ANO5: variants seen among roughly 807,000 people sequenced by gnomAD.
ANO5 encodes anoctamin 5.
In ANO5, 109 loss-of-function variants were observed where a neutral mutation model predicts 121.0. The observed-to-expected ratio is 0.90, with a 90% CI of 0.77 to 1.06. The LOEUF (loss-of-function observed/expected upper bound fraction) is 1.06, where lower values mean the gene tolerates loss of function less well. ANO5 is among the 50% of genes least tolerant of loss of function. The probability of loss-of-function intolerance (pLI) is 0.00; values close to 1 mark genes in which losing one functional copy is unlikely to be tolerated. For missense variants in ANO5, 1,064 were observed against 1,078.5 expected, an observed-to-expected ratio of 0.99 and a Z score of 0.19; for synonymous variants, 406 against 359.9, an observed-to-expected ratio of 1.13 and a Z score of -1.45.
intron 3 of ANO5, among the ~76,000 whole-genome samples, chr11:22,216,831 G>A (rs141998593): frequency 5.5e-4 from 83 of 151,882 alleles, no homozygotes; most frequent in African/African-American, 2.0e-3. Context: ...GTTTAGGTCT[G>A]TGATCCATGG....
At chr11:22,199,789 T>G (rs1851911873) in intron 1 of ANO5, among the ~76,000 whole-genome samples, 1 of 152,098 alleles carries the variant, frequency 6.6e-6, no homozygotes, top group Admixed American at 6.5e-5. Flanking sequence ...ATCTGGCCTC[T>G]TAGAGATCTA....
chr11:22,275,343 C>T (rs1854800433), intron 20 of ANO5, among the ~76,000 whole-genome samples: 1 of 150,664 alleles, frequency 6.6e-6, no homozygotes, highest in Non-Finnish European at 1.5e-5. Flanking sequence ...CTTATCAAGG[C>T]CACTTAATTT....
At chr11:22,271,084 G>C (rs1431530391) in intron 18 of ANO5, among the ~76,000 whole-genome samples, 1 of 152,056 alleles carries the variant, frequency 6.6e-6, no homozygotes, top group Non-Finnish European at 1.5e-5. Flanking sequence ...ACAGAGTCTC[G>C]CTCTGTCGCT....
intron 7 of ANO5, among the ~76,000 whole-genome samples, chr11:22,234,101 C>A (rs1853137230): frequency 6.6e-6 from 1 of 152,058 alleles, no homozygotes; most frequent in African/African-American, 2.4e-5. Context: ...CTGAGTACAA[C>A]AATTTTCACA....
At chr11:22,207,973 G>C (rs1852169418) in intron 2 of ANO5, among the ~76,000 whole-genome samples, 1 of 151,938 alleles carries the variant, frequency 6.6e-6, no homozygotes, top group African/African-American at 2.4e-5. Context: ...TAAGATCAAA[G>C]TGAGATGTCA....
chr11:22,232,227 T>C (rs1853066151), intron 7 of ANO5, among the ~76,000 whole-genome samples: 1 of 152,020 alleles, frequency 6.6e-6, no homozygotes, highest in African/African-American at 2.4e-5. Flanking sequence ...GGCATAGAAA[T>C]TTATTTGTGT....
rs1477215121 is a variant in ANO5, at chr11:22,257,766, T to C, written c.1407+12T>C. 2.5e-6 allele frequency: 4 copies of C among 1,599,930 alleles called. No homozygotes were observed. The highest frequency in any genetic ancestry group is 3.4e-6 in the Non-Finnish European group (4 of 1,167,672). On this transcript the variant is annotated intron_variant, in intron 14 of 21. Transcript: ENST00000324559. The stretch of plus-strand genomic sequence containing the variant: ...CAGTGACATTATGGGTGAGCATTTC[T>C]TTAAAAATTGCTATAATTTCTTCAA...
Position 22,279,879 on chromosome 11 carries a change from CTTTTT to C in ANO5, c.*121_*125del. On this transcript the variant is annotated 3_prime_UTR_variant, in exon 22 of 22. Coordinates refer to ENST00000324559, the MANE Select transcript of ANO5 (RefSeq NM_213599.3). ...TTTACCCTTTCTTTTTTTTTTTTTT[CTTTTT>C]TTTTTTAAACTCAAAGTTTTTATAC... 1 of 387,208 alleles carries C rather than the reference CTTTTT, an allele frequency of 2.6e-6. No homozygotes were observed. Among genetic ancestry groups the C allele is most frequent in the Non-Finnish European group, 4.2e-6 (1 of 239,132 alleles). 24.0% of individuals were successfully genotyped at this position (387,208 alleles called of 1,614,324 possible). A position where few individuals can be genotyped will look rare whatever the true frequency, so the allele number is the denominator to read the frequency against.
At position 22,255,446 on chromosome 11, in the gene ANO5, A is replaced by G. The variant is rs1853970837; in HGVS notation, c.1256A>G (p.Glu419Gly). 6.2e-7 allele frequency: 1 copy of G among 1,613,504 alleles called. No individual in the cohort carries two copies. Residue 419 changes from glutamate to glycine, a missense_variant, in exon 13 of 22, where the codon GAG becomes GGG. By Grantham distance (98) the Glu-to-Gly change is moderately conservative. Coordinates refer to ENST00000324559, the MANE Select transcript of ANO5 (RefSeq NM_213599.3). ...EYEWDLVDFEEEQQQLQLRPE... is the reference protein window; with the variant it reads ...EYEWDLVDFEGEQQQLQLRPE... ...GAATGGGACCTGGTGGACTTTGAAG[A>G]GGAACAGCAGCAGCTTCAGCTGAGA...
chr11:22,204,001 G>A (rs1564910101), intron 2 of ANO5, 151 bp downstream of exon 2: 1 of 515,280 alleles, frequency 1.9e-6, no homozygotes, highest in Non-Finnish European at 3.5e-6. Context: ...CAAGTTCCAT[G>A]TTCCATGCAG....
chr11:22,239,544 G>A (rs373194134), intron 8 of ANO5, 25 bp from the exon 9 acceptor site: 29 of 1,529,846 alleles, frequency 1.9e-5, no homozygotes, highest in Non-Finnish European at 2.5e-5. Context: ...CGTCTTTTAT[G>A]TACCCTCCTC....
rs779096931 is a variant in ANO5 at position 22,262,254 on chromosome 11, C to A, written c.1756C>A (p.Pro586Thr). 1.2e-6 allele frequency: 2 copies of A among 1,613,618 alleles called. No homozygotes were observed. The change falls in exon 16 of 22, where the codon CCT (proline) becomes ACT (threonine). Residue 586 changes from proline to threonine, a missense_variant. Coordinates refer to ENST00000324559, the MANE Select transcript of ANO5 (RefSeq NM_213599.3). ...CTTTAAAGGGAAGTTCGTAGGCTAT[C>A]CTGGAAAATACACATATTTATTTAA... Reference protein sequence around the residue: ...AFFKGKFVGYPGKYTYLFNEW... With the variant: ...AFFKGKFVGYTGKYTYLFNEW...
At chr11:22,243,051 T>C (rs1853484052) in intron 9 of ANO5, among the ~76,000 whole-genome samples, 1 of 152,112 alleles carries the variant, frequency 6.6e-6, no homozygotes, top group Non-Finnish European at 1.5e-5. Flanking sequence ...CATAGATGGC[T>C]CTTATTATTT....
intron 12 of ANO5, among the ~76,000 whole-genome samples, chr11:22,253,912 G>A (rs1853908836): frequency 6.6e-6 from 1 of 152,148 alleles, no homozygotes; most frequent in Non-Finnish European, 1.5e-5. Flanking sequence ...TAGGAAATGA[G>A]CAGTTACTAA....
At chr11:22,278,197 A>G (rs535762753) in intron 21 of ANO5, among the ~76,000 whole-genome samples, 3 of 151,614 alleles carry the variant, frequency 2.0e-5, no homozygotes, top group East Asian at 1.9e-4. Flanking sequence ...GGATTCTGTC[A>G]TTAGCCCCAT....
Position 22,238,210 on chromosome 11 carries a change from G to T in ANO5, c.763-1359G>T, listed in dbSNP as rs149609233. ...ACATGGACGTTTGGTAAAGCAGAAA[G>T]ATCTAAAGTAGGTTAATAAACACTT... On this transcript the variant is annotated intron_variant, in intron 8 of 21. Coordinates refer to ENST00000324559, the MANE Select transcript of ANO5 (RefSeq NM_213599.3). Among the ~76,000 whole-genome samples the T allele has an allele frequency of 6.6e-5, 10 of 150,966 alleles. No homozygotes were observed. In the East Asian group the frequency reaches 1.9e-3, roughly 29 times the overall value.
intron 7 of ANO5, among the ~76,000 whole-genome samples, chr11:22,228,555 T>C (rs1181294987): frequency 6.6e-6 from 1 of 151,996 alleles, no homozygotes; most frequent in East Asian, 1.9e-4. Context: ...ATGTTAGTCA[T>C]CCTACTATGC....
intron 7 of ANO5, among the ~76,000 whole-genome samples, chr11:22,234,028 T>C (rs927897980): frequency 6.6e-6 from 1 of 152,134 alleles, no homozygotes; most frequent in African/African-American, 2.4e-5. Flanking sequence ...AAAGAAATTC[T>C]TAAGGATCTT....
At chr11:22,234,019 A>G (rs12285487) in intron 7 of ANO5, among the ~76,000 whole-genome samples, 1,745 of 152,228 alleles carry the variant, frequency 0.011, 34 homozygotes, top group African/African-American at 0.039. Context: ...TAATTCTTCA[A>G]AGAAATTCTT....
Sources: allele counts gnomAD v4.1 joint callset (sites outside exome capture counted in the v4.1 genomes callset), GRCh38; gene constraint gnomAD v4.1.1; transcripts MANE v1.5; gene names NCBI Gene and HGNC (gene_info 2026-07-23, HGNC 2026-07-21).